The following NSUN3 variants were observed in gnomAD, a reference collection of about 807,000 sequenced individuals.
The protein encoded by NSUN3 is NOP2/Sun RNA methyltransferase 3.
A neutral mutation model predicts 36.8 loss-of-function variants in NSUN3; 24 were observed. That is an observed-to-expected ratio of 0.65 (90% CI 0.47 to 0.92). The LOEUF (loss-of-function observed/expected upper bound fraction) is 0.92, where lower values mean the gene tolerates loss of function less well. Among genes scored for constraint, NSUN3 ranks in the 40% least tolerant of loss-of-function variants. The probability of loss-of-function intolerance (pLI) is 0.00; values close to 1 mark genes in which losing one functional copy is unlikely to be tolerated. For missense variants in NSUN3, 381 were observed against 392.8 expected, an observed-to-expected ratio of 0.97 and a Z score of 0.25; for synonymous variants, 146 against 145.2, an observed-to-expected ratio of 1.01 and a Z score of -0.04.
intron 2 of NSUN3, among the ~76,000 whole-genome samples, chr3:94,064,968 A>G (rs777897258): frequency 6.6e-6 from 1 of 152,232 alleles, no homozygotes; most frequent in Non-Finnish European, 1.5e-5. Flanking sequence ...TTTGGTAATC[A>G]TATTTCTTTC....
Position 94,129,742 on chromosome 3 carries a change from C to CTTTT in NSUN3, c.*3274_*3277dup, listed in dbSNP as rs754390863. 6.4e-4 allele frequency among the ~76,000 whole-genome samples: 58 copies of CTTTT among 89,934 alleles called. No individual in the cohort carries two copies. The highest frequency in any genetic ancestry group is 8.6e-4 in the Non-Finnish European group (41 of 47,798). 59.0% of individuals were successfully genotyped at this position (89,934 alleles called of 152,430 possible). ...TCTATAAATTGTTTATATATGTTGTCTTTTTTTTTTTTTTTTTTTTTTTTT... is the reference window on the plus strand; with the variant it reads ...TCTATAAATTGTTTATATATGTTGTCTTTTTTTTTTTTTTTTTTTTTTTTTTTTT... On this transcript the variant is annotated 3_prime_UTR_variant, in exon 6 of 6. Coordinates refer to ENST00000314622, the MANE Select transcript of NSUN3 (RefSeq NM_022072.5).
intron 5 of NSUN3, among the ~76,000 whole-genome samples, chr3:94,113,530 G>A (rs2077427023): frequency 6.6e-6 from 1 of 152,184 alleles, no homozygotes; most frequent in African/African-American, 2.4e-5. Context: ...AGGAAAGGCA[G>A]ATGGGGAGGC....
rs539045914 is a variant in NSUN3, at chr3:94,090,694, G to A, written c.467-3446G>A. On this transcript the variant is annotated intron_variant, in intron 3 of 5. Coordinates refer to ENST00000314622, the MANE Select transcript of NSUN3 (RefSeq NM_022072.5). Reference sequence around the variant, plus strand: ...TAATATTAAACAAAAATTTTTAAATGCATCAATTATCTTTAAATACTTAGT... The same window carrying A: ...TAATATTAAACAAAAATTTTTAAATACATCAATTATCTTTAAATACTTAGT... Among the ~76,000 whole-genome samples the A allele has an allele frequency of 3.3e-5, 5 of 152,218 alleles. No individual in the cohort carries two copies. The South Asian group carries it at 1.0e-3, about 32-fold the overall frequency.
intron 2 of NSUN3, among the ~76,000 whole-genome samples, chr3:94,074,718 G>A (rs2077239599): frequency 6.6e-6 from 1 of 152,134 alleles, no homozygotes; most frequent in East Asian, 1.9e-4. Context: ...AGACGATGGG[G>A]CTTTCTAAAT....
chr3:94,117,159 C>T (rs758708309), intron 5 of NSUN3, among the ~76,000 whole-genome samples: 9 of 151,912 alleles, frequency 5.9e-5, no homozygotes, highest in South Asian at 2.1e-4. Context: ...CCACCACACT[C>T]GGCTAATTTC....
At chr3:94,098,218 C>A (rs1024081605) in intron 5 of NSUN3, among the ~76,000 whole-genome samples, 1 of 152,130 alleles carries the variant, frequency 6.6e-6, no homozygotes, top group Non-Finnish European at 1.5e-5. Context: ...ATCACTAAGA[C>A]GTCTCAGTTG....
rs540968157 is a variant in NSUN3 at position 94,084,215 on chromosome 3, C to T, written c.231C>T (p.Leu77=). The change falls in exon 3 of 6, where the codon CTC becomes CTT. Residue 77 remains leucine, a synonymous_variant. Coordinates refer to ENST00000314622, the MANE Select transcript of NSUN3 (RefSeq NM_022072.5). ...TACATTTGAAGGGCTATCACACACT[C>T]TCTCAGGGATCTTTACCCAACTATC... is the stretch of plus-strand genomic sequence containing the variant. ...KDLHLKGYHT[L]SQGSLPNYPK... is the part of the protein sequence containing the mutation. 6 of 1,614,146 alleles carry T rather than the reference C, an allele frequency of 3.7e-6. No individual in the cohort carries two copies. The Admixed American group carries it at 8.3e-5, about 22-fold the overall frequency.
At chr3:94,065,736 G>C (rs1009577458) in intron 2 of NSUN3, among the ~76,000 whole-genome samples, 2 of 152,190 alleles carry the variant, frequency 1.3e-5, no homozygotes, top group African/African-American at 4.8e-5. Flanking sequence ...TATTTCAAAA[G>C]TAGATTTTCA....
intron 2 of NSUN3, 131 bp from the exon 3 acceptor site, chr3:94,083,976 T>G: frequency 1.5e-6 from 1 of 668,664 alleles, no homozygotes; most frequent in East Asian, 2.7e-5. Context: ...TCAGGAATAC[T>G]GATCCTGTCT....
At position 94,063,160 on chromosome 3, in the gene NSUN3, G is replaced by T. The variant is rs770595392; in HGVS notation, c.12+22G>T. 77 of 1,613,604 alleles carry T rather than the reference G, an allele frequency of 4.8e-5. 6 individuals carry two copies. In the South Asian group the frequency reaches 8.5e-4, roughly 18 times the overall value. The stretch of plus-strand genomic sequence containing the variant: ...CCAGGTGAGACCTGGGGCCCGGCTG[G>T]GTACCTCTATCTGAATGAGACGCTT... On this transcript the variant is annotated intron_variant, in intron 1 of 5. Transcript: ENST00000314622.
intron 5 of NSUN3, among the ~76,000 whole-genome samples, chr3:94,116,764 A>C (rs182039535): frequency 7.9e-4 from 120 of 152,324 alleles, no homozygotes; most frequent in African/African-American, 2.8e-3. Context: ...TTCAGAATTC[A>C]GAATTTGTTT....
intron 5 of NSUN3, among the ~76,000 whole-genome samples, chr3:94,101,426 A>T (rs779215964): frequency 1.3e-5 from 2 of 152,132 alleles, no homozygotes; most frequent in Non-Finnish European, 2.9e-5. Flanking sequence ...TTTTTTTAAC[A>T]TGAAAAACTT....
rs1251986707 is a variant in NSUN3 at position 94,131,059 on chromosome 3, C to T, written c.*4569C>T. 6.6e-6 allele frequency among the ~76,000 whole-genome samples: 1 copy of T among 151,874 alleles called. No homozygotes were observed. Among genetic ancestry groups the T allele is most frequent in the Non-Finnish European group, 1.5e-5 (1 of 67,988 alleles). ...TCCTAAGTAGCCTGGACTACAGGCC[C>T]ACAATACCATGCCTGGCTAATTTTT... is the stretch of plus-strand genomic sequence containing the variant. On this transcript the variant is annotated 3_prime_UTR_variant, in exon 6 of 6. Transcript: ENST00000314622.
At chr3:94,064,719 A>G (rs2077196452) in intron 2 of NSUN3, among the ~76,000 whole-genome samples, 173 bp downstream of exon 2, 1 of 152,202 alleles carries the variant, frequency 6.6e-6, no homozygotes, top group Non-Finnish European at 1.5e-5. Flanking sequence ...GAATCATAGC[A>G]TGTTGGAAAG....
chr3:94,093,353 ATG>A (rs2077324305), intron 3 of NSUN3, among the ~76,000 whole-genome samples: 2 of 150,400 alleles, frequency 1.3e-5, no homozygotes, highest in Non-Finnish European at 3.0e-5. Context: ...ATATGTATGT[ATG>A]TATGTATTTG....
intron 5 of NSUN3, among the ~76,000 whole-genome samples, chr3:94,112,969 A>G (rs894192974): frequency 6.6e-6 from 1 of 151,882 alleles, no homozygotes; most frequent in Non-Finnish European, 1.5e-5. Flanking sequence ...GGTTCATGCC[A>G]TTCTCCTGCC....
rs531460000 is a variant in NSUN3, at chr3:94,110,753, C to T, written c.744-15458C>T. Among the ~76,000 whole-genome samples the T allele has an allele frequency of 2.6e-5, 4 of 152,028 alleles. No individual in the cohort carries two copies. The East Asian group carries it at 5.9e-4, about 22-fold the overall frequency. On this transcript the variant is annotated intron_variant, in intron 5 of 5. Coordinates refer to ENST00000314622, the MANE Select transcript of NSUN3 (RefSeq NM_022072.5). ...ACATGTATACACACACACACACACACACACACACACACACGCATATATATA... is the reference window on the plus strand; with the variant it reads ...ACATGTATACACACACACACACACATACACACACACACACGCATATATATA...
rs187050288 is a variant in NSUN3 at position 94,063,979 on chromosome 3, G to A, written c.13-458G>A. 483 of 157,252 alleles carry A rather than the reference G, an allele frequency of 3.1e-3. 5 individuals carry two copies. The highest frequency in any genetic ancestry group is 9.9e-3 in the Middle Eastern group (3 of 302). 9.7% of individuals were successfully genotyped at this position (157,252 alleles called of 1,614,324 possible). On this transcript the variant is annotated intron_variant, in intron 1 of 5. Coordinates refer to ENST00000314622, the MANE Select transcript of NSUN3 (RefSeq NM_022072.5). ...TTCTCCCACCTCAGCCCCCTGAGTA[G>A]GTGGGGTTACAGGCGCCCACCACTA...
In NSUN3 at chr3:94,084,383, G is replaced by C; in HGVS notation, c.399G>C (p.Glu133Asp). The change falls in exon 3 of 6, where the codon GAG becomes GAC. Residue 133 changes from glutamate (E) to aspartate (D), a missense_variant. By Grantham distance (45) the Glu-to-Asp change is conservative. Transcript: ENST00000314622. ...TGGCTCTGGAATTAAGGGATGGGGAGAAGGTTCTGGATCTCTGTGCTGCTC... is the reference window on the plus strand; with the variant it reads ...TGGCTCTGGAATTAAGGGATGGGGACAAGGTTCTGGATCTCTGTGCTGCTC... ...PVLALELRDG[E>D]KVLDLCAAPG... 1 of 1,614,174 alleles carries C rather than the reference G, an allele frequency of 6.2e-7. No individual in the cohort carries two copies. The highest frequency in any genetic ancestry group is 8.5e-7 in the Non-Finnish European group (1 of 1,180,008).
Sources: gnomAD v4.1 joint callset for allele counts (sites outside exome capture counted in the v4.1 genomes callset) on GRCh38, gnomAD v4.1.1 for gene constraint, MANE v1.5 for transcripts, NCBI Gene and HGNC (gene_info 2026-07-23, HGNC 2026-07-21) for gene names.